TOM1L2: variants seen among roughly 807,000 people sequenced by gnomAD.
TOM1L2 encodes the protein TOM1-like protein 2.
A neutral mutation model predicts 67.9 loss-of-function variants in TOM1L2; 31 were observed. The observed-to-expected ratio is 0.46, with a 90% CI of 0.34 to 0.62. The LOEUF (loss-of-function observed/expected upper bound fraction) is 0.62. TOM1L2 is among the 20% of genes least tolerant of loss of function. TOM1L2 has a pLI of 0.01. For missense variants in TOM1L2, 606 were observed against 663.5 expected (o/e 0.91, Z 0.95); for synonymous variants, 256 against 254.0 (o/e 1.01, Z -0.07).
chr17:17,895,272 C>T (rs895094019), intron 3 of TOM1L2, among the ~76,000 whole-genome samples: 1 of 152,168 alleles, frequency 6.6e-6, no homozygotes, highest in Non-Finnish European at 1.5e-5. Flanking sequence ...GGGAATGCCT[C>T]CTCAAAACGA....
intron 13 of TOM1L2, 24 bp downstream of exon 13, chr17:17,850,869 T>C: frequency 6.2e-7 from 1 of 1,613,262 alleles, no homozygotes. Context: ...ACCCCACAGA[T>C]GAAATAGAAA....
chr17:17,917,467 T>C (rs1353479083), intron 1 of TOM1L2, among the ~76,000 whole-genome samples: 4 of 136,370 alleles, frequency 2.9e-5, no homozygotes, highest in Non-Finnish European at 4.7e-5. Flanking sequence ...TTTTTTTTTT[T>C]TTTTTTTTTT....
chr17:17,928,591 G>GCACAC (rs1365927151), intron 1 of TOM1L2, among the ~76,000 whole-genome samples: 1 of 152,184 alleles, frequency 6.6e-6, no homozygotes, highest in East Asian at 1.9e-4. Flanking sequence ...GCGTGAGCAT[G>GCACAC]CACACACGAG....
intron 8 of TOM1L2, among the ~76,000 whole-genome samples, chr17:17,867,391 C>T (rs1302317016): frequency 6.6e-6 from 1 of 152,178 alleles, no homozygotes; most frequent in Non-Finnish European, 1.5e-5. Flanking sequence ...GGACGCATGG[C>T]CCTGGCTACG....
At chr17:17,951,048 T>A (rs1285984639) in intron 1 of TOM1L2, among the ~76,000 whole-genome samples, 2 of 152,164 alleles carry the variant, frequency 1.3e-5, no homozygotes, top group African/African-American at 4.8e-5. Flanking sequence ...GGAGCCAACC[T>A]AACAAGCCAG....
rs1350001855 is a variant in TOM1L2, at chr17:17,972,377, C to A, written c.-64G>T. The A allele has an allele frequency of 5.2e-6, 8 of 1,545,232 alleles. No individual in the cohort carries two copies. In the South Asian group the frequency reaches 9.5e-5, roughly 18 times the overall value. ...TGCCACCTAGGCCTCCGCTGTAACCCGCCGGACTCCCGTCCTGACTGACAC... is the reference window on the plus strand; with the variant it reads ...TGCCACCTAGGCCTCCGCTGTAACCAGCCGGACTCCCGTCCTGACTGACAC... On this transcript the variant is annotated 5_prime_UTR_variant, in exon 1 of 15. Transcript: ENST00000379504.
intron 1 of TOM1L2, among the ~76,000 whole-genome samples, chr17:17,955,293 T>G (rs956218730): frequency 6.8e-6 from 1 of 146,822 alleles, no homozygotes; most frequent in Non-Finnish European, 1.5e-5. Context: ...CAGCAGCTAG[T>G]GGGAACGGCA....
intron 1 of TOM1L2, among the ~76,000 whole-genome samples, chr17:17,919,321 C>T (rs2144586692): frequency 6.6e-6 from 1 of 152,278 alleles, no homozygotes; most frequent in Admixed American, 6.5e-5. Flanking sequence ...TCTGCCAGTG[C>T]CCTCCCCTTG....
intron 6 of TOM1L2, among the ~76,000 whole-genome samples, chr17:17,881,927 TA>T (rs2037745578): frequency 6.6e-6 from 1 of 152,226 alleles, no homozygotes; most frequent in South Asian, 2.1e-4. Context: ...TCGCAAATAG[TA>T]AATAAGGATT....
intron 1 of TOM1L2, among the ~76,000 whole-genome samples, chr17:17,956,690 G>T (rs1444018802): frequency 6.6e-6 from 1 of 152,232 alleles, no homozygotes; most frequent in Non-Finnish European, 1.5e-5. Flanking sequence ...TGGCGGGCCG[G>T]CACTGCTGGG....
chr17:17,948,072 C>T (rs562031745), intron 1 of TOM1L2, among the ~76,000 whole-genome samples: 17 of 152,260 alleles, frequency 1.1e-4, no homozygotes, highest in African/African-American at 4.1e-4. Context: ...ATATATTAGT[C>T]ATAATTGAGG....
At chr17:17,958,012 C>T (rs2041534289) in intron 1 of TOM1L2, among the ~76,000 whole-genome samples, 1 of 151,908 alleles carries the variant, frequency 6.6e-6, no homozygotes, top group Non-Finnish European at 1.5e-5. Context: ...ATGGTGTGAA[C>T]CCAGGAGGTG....
intron 1 of TOM1L2, among the ~76,000 whole-genome samples, chr17:17,930,993 T>A (rs2040307832): frequency 6.6e-6 from 1 of 152,246 alleles, no homozygotes; most frequent in Non-Finnish European, 1.5e-5. Context: ...TAGCATAATA[T>A]GGAATGTCTT....
intron 1 of TOM1L2, among the ~76,000 whole-genome samples, chr17:17,918,699 A>T (rs1289810742): frequency 6.6e-6 from 1 of 152,126 alleles, no homozygotes; most frequent in Non-Finnish European, 1.5e-5. Flanking sequence ...CCCACAAGAG[A>T]GGCCCTCTGA....
intron 7 of TOM1L2, 48 bp downstream of exon 7, chr17:17,879,579 G>C: frequency 6.8e-7 from 1 of 1,472,122 alleles, no homozygotes; most frequent in Non-Finnish European, 9.5e-7. Context: ...ACAGTGTACG[G>C]TGGAAGAGCT....
Position 17,926,857 on chromosome 17 carries a change from C to CA in TOM1L2, c.53-19327dup, listed in dbSNP as rs923295384. Among the ~76,000 whole-genome samples the CA allele has an allele frequency of 3.4e-5, 5 of 149,170 alleles. No individual in the cohort carries two copies. The Middle Eastern group carries it at 0.014, about 406-fold the overall frequency. ...TGGGCGACAGAGAGGGACTCTGTCT[C>CA]AAAAAAAAGGAAGAAAGAAAAAGAA... On this transcript the variant is annotated intron_variant, in intron 1 of 14. Transcript: ENST00000379504.
At chr17:17,952,760 C>G (rs1281567241) in intron 1 of TOM1L2, among the ~76,000 whole-genome samples, 2 of 152,068 alleles carry the variant, frequency 1.3e-5, no homozygotes, top group African/African-American at 4.8e-5. Context: ...GAAGGGCAAA[C>G]AAACAGCTTT....
rs1648527476 is a variant in TOM1L2 at position 17,932,274 on chromosome 17, T to G, written c.53-24743A>C. 2.0e-5 allele frequency among the ~76,000 whole-genome samples: 3 copies of G among 152,218 alleles called. No individual in the cohort carries two copies. The South Asian group carries it at 6.2e-4, about 32-fold the overall frequency. On this transcript the variant is annotated intron_variant, in intron 1 of 14. Coordinates refer to ENST00000379504, the MANE Select transcript of TOM1L2 (RefSeq NM_001082968.2). ...GACCAAGAACTTATGAACATGCTTT[T>G]TATTTCATTATTCTTATTATTTTAT... is the stretch of plus-strand genomic sequence containing the variant.
chr17:17,955,340 T>TG (rs1385380207), intron 1 of TOM1L2, among the ~76,000 whole-genome samples: 19 of 148,432 alleles, frequency 1.3e-4, no homozygotes, highest in African/African-American at 4.6e-4. Flanking sequence ...TTTTTTTTTT[T>TG]TTTTTTTTTT....
Sources: allele counts gnomAD v4.1 joint callset (sites outside exome capture counted in the v4.1 genomes callset), GRCh38; gene constraint gnomAD v4.1.1; transcripts MANE v1.5; gene names NCBI Gene and HGNC (gene_info 2026-07-23, HGNC 2026-07-21).